Variants in KDM4C observed in about 807,000 individuals in gnomAD.
KDM4C encodes lysine-specific demethylase 4C.
A neutral mutation model predicts 129.3 loss-of-function variants in KDM4C; 81 were observed. That is an observed-to-expected ratio of 0.63 (90% CI 0.52 to 0.75). The LOEUF (loss-of-function observed/expected upper bound fraction) is 0.75. Among genes scored for constraint, KDM4C ranks in the 30% least tolerant of loss-of-function variants. KDM4C has a pLI of 0.00. For missense variants in KDM4C, 1,457 were observed against 1,304.0 expected (o/e 1.12, Z -1.81); for synonymous variants, 573 against 456.1 (o/e 1.26, Z -3.26).
In KDM4C at chr9:6,808,954, A is replaced by C. The variant is rs188764046; in HGVS notation, c.320+3180A>C. ...AATCTTACAAAAACAAAATAAAAAA[A>C]CCTGAAAGACCAACAAAAAATCATA... On this transcript the variant is annotated intron_variant, in intron 3 of 21. Coordinates refer to ENST00000381309, the MANE Select transcript of KDM4C (RefSeq NM_015061.6). Among the ~76,000 whole-genome samples the C allele has an allele frequency of 5.2e-3, 786 of 152,130 alleles. 8 individuals carry two copies. Among genetic ancestry groups the C allele is most frequent in the African/African-American group, 0.018 (739 of 41,412 alleles).
At chr9:6,734,704 TG>T (rs532425881) in intron 1 of KDM4C, 134 of 312,680 alleles carry the variant, frequency 4.3e-4, no homozygotes, top group African/African-American at 2.6e-3. Context: ...TATGGCTTCC[TG>T]AGTCAAAATA....
At position 6,758,727 on chromosome 9, in the gene KDM4C, GTTTC is replaced by G. The variant is rs1404256101; in HGVS notation, c.-18+529_-18+532del. ...CAGCCCTCGCGGCTGTCCTTTTGGTGTTTCTTTCCCCCGGCATGGGGCCATTTCT... is the reference window on the plus strand; with the variant it reads ...CAGCCCTCGCGGCTGTCCTTTTGGTGTTTCCCCCGGCATGGGGCCATTTCT... On this transcript the variant is annotated intron_variant, in intron 1 of 21. Transcript: ENST00000381309. This position sits in a 1 kb window ranked among gnomAD's most constrained non-coding sequence, Gnocchi z 4.6. Among the ~76,000 whole-genome samples, 1 of 152,224 alleles carries G rather than the reference GTTTC, an allele frequency of 6.6e-6. No homozygotes were observed. Among genetic ancestry groups the G allele is most frequent in the Non-Finnish European group, 1.5e-5 (1 of 68,034 alleles).
chr9:6,756,205 G>C (rs1036898829), upstream of KDM4C, among the ~76,000 whole-genome samples: 1 of 152,044 alleles, frequency 6.6e-6, no homozygotes, highest in Non-Finnish European at 1.5e-5. Context: ...GTAACAATGA[G>C]GTATTAATAG....
chr9:7,143,427 T>G (rs1239857264), intron 19 of KDM4C, among the ~76,000 whole-genome samples: 2 of 152,234 alleles, frequency 1.3e-5, no homozygotes, highest in Non-Finnish European at 2.9e-5. Context: ...AAGCTCTTAC[T>G]TCAGAGGTTC....
exon 1 of KDM4C, chr9:6,720,969 C>A (rs1442035360): frequency 6.4e-7 from 1 of 1,551,624 alleles, no homozygotes; most frequent in South Asian, 1.2e-5. Context: ...ATGGGCTGCC[C>A]TGGAAGAGGA....
chr9:7,002,551 A>G (rs1458820272), intron 12 of KDM4C, among the ~76,000 whole-genome samples: 6 of 152,168 alleles, frequency 3.9e-5, no homozygotes, highest in African/African-American at 9.7e-5. Flanking sequence ...CTTTGATTTG[A>G]TGCTCAGAAT....
chr9:6,736,507 G>T (rs988016701), intron 1 of KDM4C, among the ~76,000 whole-genome samples: 1 of 152,096 alleles, frequency 6.6e-6, no homozygotes, highest in African/African-American at 2.4e-5. Flanking sequence ...ACTAAAAGGG[G>T]CCAAGGTACA....
chr9:7,110,408 T>C (rs960593493), intron 18 of KDM4C, among the ~76,000 whole-genome samples: 30 of 152,240 alleles, frequency 2.0e-4, no homozygotes, highest in Admixed American at 6.5e-4. Context: ...TCTCCTGGCT[T>C]TAATAAATTT....
chr9:7,119,631 AAAAG>A (rs1839284632), intron 18 of KDM4C, among the ~76,000 whole-genome samples: 1 of 152,092 alleles, frequency 6.6e-6, no homozygotes. Flanking sequence ...CCAAAAAGGA[AAAAG>A]AAAAAAAAAA....
In KDM4C at chr9:6,842,493, C is replaced by T. The variant is rs948985576; in HGVS notation, c.436-7014C>T. On this transcript the variant is annotated intron_variant, in intron 4 of 21. Coordinates refer to ENST00000381309, the MANE Select transcript of KDM4C (RefSeq NM_015061.6). ...GGGATTACAGGCCCACACCACCACGCCTGGCTAATTTTTTTTTGTATTTTT... is the reference window on the plus strand; with the variant it reads ...GGGATTACAGGCCCACACCACCACGTCTGGCTAATTTTTTTTTGTATTTTT... Among the ~76,000 whole-genome samples the T allele has an allele frequency of 2.0e-5, 3 of 151,654 alleles. No homozygotes were observed. In the East Asian group the frequency reaches 5.8e-4, roughly 29 times the overall value.
intron 1 of KDM4C, among the ~76,000 whole-genome samples, chr9:6,776,032 T>C (rs777885388): frequency 3.3e-5 from 5 of 152,222 alleles, no homozygotes; most frequent in Non-Finnish European, 7.3e-5. Context: ...ACATGAACAA[T>C]TAAAAATTAT....
intron 15 of KDM4C, among the ~76,000 whole-genome samples, chr9:7,032,717 C>T (rs187436843): frequency 1.4e-3 from 218 of 152,334 alleles, no homozygotes; most frequent in African/African-American, 5.1e-3. Context: ...CAGACCATCT[C>T]ATTCCCAGGC....
intron 1 of KDM4C, among the ~76,000 whole-genome samples, chr9:6,745,561 G>A (rs1280846623): frequency 1.6e-4 from 21 of 128,072 alleles, no homozygotes; most frequent in African/African-American, 6.3e-4. Flanking sequence ...CTGCGCAAGA[G>A]AATGTGGTCC....
chr9:6,788,555 T>G (rs1255848073), intron 1 of KDM4C, among the ~76,000 whole-genome samples: 1 of 152,264 alleles, frequency 6.6e-6, no homozygotes, highest in African/African-American at 2.4e-5. Flanking sequence ...ACTGCTTTCC[T>G]TTTCCTGAAT....
At chr9:7,121,608 G>T (rs1365036718) in intron 18 of KDM4C, among the ~76,000 whole-genome samples, 1 of 152,126 alleles carries the variant, frequency 6.6e-6, no homozygotes, top group East Asian at 1.9e-4. Context: ...ATTTACCACA[G>T]TGTACACGTG....
At chr9:7,003,052 G>C (rs1174877104) in intron 12 of KDM4C, among the ~76,000 whole-genome samples, 1 of 152,148 alleles carries the variant, frequency 6.6e-6, no homozygotes, top group East Asian at 1.9e-4. Context: ...TTTTGGTAGA[G>C]ACTGGATTTC....
chr9:6,974,447 C>T (rs753817759), intron 8 of KDM4C, among the ~76,000 whole-genome samples: 2 of 152,208 alleles, frequency 1.3e-5, no homozygotes, highest in Non-Finnish European at 2.9e-5. Context: ...GCAACCTACG[C>T]CTCTTGGGTT....
intron 1 of KDM4C, among the ~76,000 whole-genome samples, chr9:6,744,822 G>T (rs1258888013): frequency 6.6e-6 from 1 of 151,072 alleles, no homozygotes; most frequent in Non-Finnish European, 1.5e-5. Flanking sequence ...TGCTGAGAGG[G>T]AGAAGGACTG....
chr9:6,898,818 T>C (rs897983058), intron 8 of KDM4C, among the ~76,000 whole-genome samples: 2 of 152,156 alleles, frequency 1.3e-5, no homozygotes, highest in African/African-American at 4.8e-5. Context: ...TCTTGGGCAG[T>C]CTTTATTAAA....
Sources: allele counts gnomAD v4.1 joint callset (sites outside exome capture counted in the v4.1 genomes callset), GRCh38; gene constraint gnomAD v4.1.1; non-coding constraint Gnocchi (gnomAD v3.1); transcripts MANE v1.5; gene names NCBI Gene and HGNC (gene_info 2026-07-23, HGNC 2026-07-21).